The following KDM4C variants were observed in gnomAD, a reference collection of about 807,000 sequenced individuals.
The protein encoded by KDM4C is lysine demethylase 4C.
Under a neutral mutation model 129.3 loss-of-function variants are expected in KDM4C, and 81 were observed. The ratio of observed to expected loss-of-function variants is 0.63; its 90% CI spans 0.52 to 0.75. KDM4C has a LOEUF of 0.75. Among genes scored for constraint, KDM4C ranks in the 30% least tolerant of loss-of-function variants. KDM4C has a pLI of 0.00. For missense variants in KDM4C, 1,457 were observed against 1,304.0 expected (o/e 1.12, Z -1.81); for synonymous variants, 573 against 456.1 (o/e 1.26, Z -3.26).
intron 12 of KDM4C, among the ~76,000 whole-genome samples, chr9:7,007,329 C>G (rs556647383): frequency 6.6e-6 from 1 of 152,124 alleles, no homozygotes; most frequent in African/African-American, 2.4e-5. Flanking sequence ...TCTAGGAGTA[C>G]GGGTTTCCAC....
At chr9:6,960,927 C>G (rs571190220) in intron 8 of KDM4C, among the ~76,000 whole-genome samples, 1 of 152,300 alleles carries the variant, frequency 6.6e-6, no homozygotes, top group African/African-American at 2.4e-5. Flanking sequence ...AACGGACAAC[C>G]ACACAGAAAA....
intron 3 of KDM4C, among the ~76,000 whole-genome samples, chr9:6,811,886 C>T (rs148952638): frequency 3.2e-4 from 48 of 152,186 alleles, no homozygotes; most frequent in African/African-American, 1.1e-3. Context: ...GAATCAGTAT[C>T]GGGCAAATTT....
intron 18 of KDM4C, 66 bp downstream of exon 18, chr9:7,103,936 C>T: frequency 7.2e-7 from 1 of 1,388,268 alleles, no homozygotes; most frequent in Non-Finnish European, 1.0e-6. Context: ...TTTAGACTAC[C>T]TCCCAGACAT....
chr9:7,087,513 T>TA lies in KDM4C; in HGVS notation c.2425-16171dup, dbSNP rs541041296. On this transcript the variant is annotated intron_variant, in intron 17 of 21. Transcript: ENST00000381309. ...GCCAAACTAGAGGTTTTTTAAAACT[T>TA]AGAGTCTTGTCATAGGAAATTTTTT... Among the ~76,000 whole-genome samples, 22 of 152,236 alleles carry TA rather than the reference T, an allele frequency of 1.4e-4. No homozygotes were observed. In the East Asian group the frequency reaches 3.9e-3, roughly 27 times the overall value.
intron 5 of KDM4C, among the ~76,000 whole-genome samples, chr9:6,866,967 ATGTT>A (rs1173765260): frequency 1.9e-5 from 2 of 104,982 alleles, no homozygotes; most frequent in Non-Finnish European, 4.1e-5. Context: ...ATAAAAATAT[ATGTT>A]TGTGTGTGTG....
intron 1 of KDM4C, among the ~76,000 whole-genome samples, chr9:6,759,713 G>T (rs945233531): frequency 1.3e-5 from 2 of 152,014 alleles, no homozygotes; most frequent in Admixed American, 6.6e-5. Context: ...AACACTTTGG[G>T]AGGCCGAGGC....
intron 1 of KDM4C, among the ~76,000 whole-genome samples, chr9:6,776,867 G>T (rs1226156100): frequency 7.4e-6 from 1 of 135,302 alleles, no homozygotes; most frequent in Non-Finnish European, 1.7e-5. Flanking sequence ...CTCCCAAAGT[G>T]CTGGGATTAC....
chr9:7,099,688 T>A (rs1836853297), intron 17 of KDM4C, among the ~76,000 whole-genome samples: 1 of 152,176 alleles, frequency 6.6e-6, no homozygotes, highest in Non-Finnish European at 1.5e-5. Flanking sequence ...AAATGCAAAT[T>A]CAGTGGCCCC....
rs1197720206 is a variant in KDM4C at position 6,836,573 on chromosome 9, G to A, written c.436-12934G>A. On this transcript the variant is annotated intron_variant, in intron 4 of 21. Transcript: ENST00000381309. ...TGCTATGCCACCCCCATCACTCTGG[G>A]GTGGCCTGAATTTTGTGTTTGATTT... Among the ~76,000 whole-genome samples, 3 of 152,024 alleles carry A rather than the reference G, an allele frequency of 2.0e-5. No individual in the cohort carries two copies. In the East Asian group the frequency reaches 5.8e-4, roughly 29 times the overall value.
chr9:7,046,429 C>A (rs1388938456), intron 15 of KDM4C, among the ~76,000 whole-genome samples: 1 of 151,938 alleles, frequency 6.6e-6, no homozygotes, highest in Non-Finnish European at 1.5e-5. Context: ...AAAAAGCCTG[C>A]CCAGACTCCA....
intron 17 of KDM4C, among the ~76,000 whole-genome samples, chr9:7,067,390 C>T (rs1268134113): frequency 6.6e-6 from 1 of 152,212 alleles, no homozygotes; most frequent in South Asian, 2.1e-4. Context: ...TGGCAGCCCA[C>T]CTGCATTGGG....
intron 8 of KDM4C, among the ~76,000 whole-genome samples, chr9:6,949,072 C>A (rs1387743440): frequency 6.8e-6 from 1 of 147,748 alleles, no homozygotes; most frequent in African/African-American, 2.5e-5. Flanking sequence ...GGCAGAGGCG[C>A]CCCCCATCTC....
At chr9:6,800,684 T>C (rs140036703) in intron 2 of KDM4C, among the ~76,000 whole-genome samples, 2,408 of 152,312 alleles carry the variant, frequency 0.016, 43 homozygotes, top group African/African-American at 0.051. Flanking sequence ...TGGAGCGCAG[T>C]GGTGTGATCT....
At chr9:7,118,669 T>C (rs1478769550) in intron 18 of KDM4C, among the ~76,000 whole-genome samples, 1 of 152,220 alleles carries the variant, frequency 6.6e-6, no homozygotes, top group Non-Finnish European at 1.5e-5. Context: ...GGAAACCTGC[T>C]CTTTGGCCTG....
At chr9:6,873,013 G>A (rs1188472858) in intron 5 of KDM4C, among the ~76,000 whole-genome samples, 1 of 152,026 alleles carries the variant, frequency 6.6e-6, no homozygotes. Flanking sequence ...TGCAACCTCC[G>A]CCTCCTGGGT....
At chr9:7,086,807 C>G (rs1275896773) in intron 17 of KDM4C, among the ~76,000 whole-genome samples, 1 of 152,208 alleles carries the variant, frequency 6.6e-6, no homozygotes, top group East Asian at 1.9e-4. Context: ...TTTCTATATC[C>G]CAACTCTCAA....
At chr9:6,760,578 ATTTATTTT>A (rs1819250991) in intron 1 of KDM4C, among the ~76,000 whole-genome samples, 2 of 139,870 alleles carry the variant, frequency 1.4e-5, no homozygotes, top group South Asian at 5.1e-4. Context: ...TTATTTATTT[ATTTATTTT>A]TTGAGACGAA....
chr9:6,739,753 T>C (rs77954165), intron 1 of KDM4C, among the ~76,000 whole-genome samples: 17,003 of 151,914 alleles, frequency 0.11, 1,103 homozygotes, highest in South Asian at 0.21. Context: ...TCCCAGCACT[T>C]TGGGAGACCA....
At chr9:6,966,337 T>C (rs920680707) in intron 8 of KDM4C, among the ~76,000 whole-genome samples, 3 of 152,176 alleles carry the variant, frequency 2.0e-5, no homozygotes, top group Admixed American at 6.5e-5. Flanking sequence ...CGCCCGCCAC[T>C]GCGCCCAGCT....
Sources: gnomAD v4.1 joint callset for allele counts (sites outside exome capture counted in the v4.1 genomes callset) on GRCh38, gnomAD v4.1.1 for gene constraint, MANE v1.5 for transcripts, NCBI Gene and HGNC (gene_info 2026-07-23, HGNC 2026-07-21) for gene names.